LRRK1: variants seen among roughly 807,000 people sequenced by gnomAD.
The protein encoded by LRRK1 is leucine rich repeat kinase 1, also known as leucine-rich repeat serine/threonine-protein kinase 1.
Under a neutral mutation model 209.1 loss-of-function variants are expected in LRRK1, and 113 were observed. The ratio of observed to expected loss-of-function variants is 0.54; its 90% CI spans 0.46 to 0.63. The LOEUF (loss-of-function observed/expected upper bound fraction) is 0.63, where lower values mean the gene tolerates loss of function less well. LRRK1 is among the 30% of genes least tolerant of loss of function. The pLI is 0.00. For synonymous variants in LRRK1, 1,144 were observed against 1,099.7 expected, an observed-to-expected ratio of 1.04 and a Z score of -0.80; for missense variants, 2,284 against 2,632.2, an observed-to-expected ratio of 0.87 and a Z score of 2.89.
intron 6 of LRRK1, among the ~76,000 whole-genome samples, chr15:100,994,841 G>GA (rs1330109792): frequency 6.6e-6 from 1 of 152,200 alleles, no homozygotes; most frequent in Non-Finnish European, 1.5e-5. Context: ...TGGCAGAAGA[G>GA]AACAGAGAGG....
chr15:101,048,456 C>G, intron 21 of LRRK1, 38 bp from the exon 22 acceptor site: 2 of 1,585,060 alleles, frequency 1.3e-6, no homozygotes, highest in East Asian at 4.6e-5. Flanking sequence ...AGCGAGGAGC[C>G]CAGAATACTT....
At chr15:101,048,693 AGGT>A in intron 22 of LRRK1, 36 bp downstream of exon 22, 1 of 1,476,260 alleles carries the variant, frequency 6.8e-7, no homozygotes, top group Non-Finnish European at 8.9e-7. Context: ...CCAGGTCAGC[AGGT>A]GCCACAGCAG....
chr15:101,057,180 A>C, intron 28 of LRRK1, 130 bp downstream of exon 28: 1 of 725,576 alleles, frequency 1.4e-6, no homozygotes, highest in Non-Finnish European at 2.2e-6. Flanking sequence ...TTTCTTCTAG[A>C]GGGTGATGTT....
At chr15:101,001,359 T>C (rs1304902120) in intron 6 of LRRK1, among the ~76,000 whole-genome samples, 1 of 152,212 alleles carries the variant, frequency 6.6e-6, no homozygotes, top group Non-Finnish European at 1.5e-5. Flanking sequence ...GTCATGCAGA[T>C]AACCTGGGAT....
At chr15:100,927,128 T>C (rs2042130330) in intron 2 of LRRK1, among the ~76,000 whole-genome samples, 3 of 152,180 alleles carry the variant, frequency 2.0e-5, no homozygotes, top group Non-Finnish European at 4.4e-5. Flanking sequence ...CCTGATGAAA[T>C]GCAGAATCTC....
At chr15:100,944,084 G>T (rs1251307763) in intron 2 of LRRK1, among the ~76,000 whole-genome samples, 2 of 152,178 alleles carry the variant, frequency 1.3e-5, no homozygotes, top group Non-Finnish European at 2.9e-5. Context: ...GTTTGGGTGG[G>T]CATGGGGCCT....
intron 31 of LRRK1, among the ~76,000 whole-genome samples, chr15:101,063,955 G>A (rs2036361829): frequency 6.6e-6 from 1 of 152,182 alleles, no homozygotes; most frequent in Non-Finnish European, 1.5e-5. Flanking sequence ...CCGCTGGCGA[G>A]AGCCCCCAGC....
intron 6 of LRRK1, among the ~76,000 whole-genome samples, chr15:101,000,648 GGC>G (rs540567825): frequency 2.4e-4 from 37 of 152,220 alleles, no homozygotes; most frequent in African/African-American, 8.7e-4. Context: ...CTCGGCTTGT[GGC>G]CACATCTCCC....
At chr15:101,028,191 AG>A (rs2034129705) in intron 19 of LRRK1, among the ~76,000 whole-genome samples, 1 of 152,230 alleles carries the variant, frequency 6.6e-6, no homozygotes, top group African/African-American at 2.4e-5. Flanking sequence ...GGAGAGACGC[AG>A]CGTTGGGCTC....
At chr15:100,979,066 G>A (rs1424880183) in intron 3 of LRRK1, among the ~76,000 whole-genome samples, 1 of 152,156 alleles carries the variant, frequency 6.6e-6, no homozygotes, top group African/African-American at 2.4e-5. Flanking sequence ...ATTTATTCCA[G>A]AGATGCAAAG....
chr15:101,010,009 G>A lies in LRRK1; in HGVS notation c.990-441G>A, dbSNP rs76710514. ...AGAATGTTGGAAAGAGCTTGGGGTA[G>A]GCATTAATCCATGGGACTCCCAAGT... On this transcript the variant is annotated intron_variant, in intron 7 of 33. Coordinates refer to ENST00000388948, the MANE Select transcript of LRRK1 (RefSeq NM_024652.6). Among the ~76,000 whole-genome samples the A allele has an allele frequency of 2.3e-3, 356 of 152,338 alleles. 9 individuals carry two copies. In the East Asian group the frequency reaches 0.043, roughly 19 times the overall value.
chr15:101,031,149 G>A lies in LRRK1; in HGVS notation c.2963+1917G>A, dbSNP rs534408025. 2.1e-4 allele frequency among the ~76,000 whole-genome samples: 32 copies of A among 152,272 alleles called. No individual in the cohort carries two copies. In the South Asian group the frequency reaches 3.5e-3, roughly 17 times the overall value. On this transcript the variant is annotated intron_variant, in intron 20 of 33. Coordinates refer to ENST00000388948, the MANE Select transcript of LRRK1 (RefSeq NM_024652.6). ...AAAGTTTACTTACAGTGAAATGCCC[G>A]GATCGCTAGTGTTCAAAACAATGAC...
rs2037040029 is a variant in LRRK1, at chr15:101,078,008, G to C, written c.*9160G>C. On this transcript the variant is annotated 3_prime_UTR_variant, in exon 34 of 34. Transcript: ENST00000388948. Reference sequence around the variant, plus strand: ...AAAGAAGTGTAAATGGCTGGTTCTTGCCTTAAGTGATGACATTACCTTGTG... The same window carrying C: ...AAAGAAGTGTAAATGGCTGGTTCTTCCCTTAAGTGATGACATTACCTTGTG... The C allele has an allele frequency of 6.4e-6, 1 of 155,426 alleles. No individual in the cohort carries two copies. Among genetic ancestry groups the C allele is most frequent in the Admixed American group, 6.5e-5 (1 of 15,354 alleles). 9.6% of individuals were successfully genotyped at this position (155,426 alleles called of 1,614,324 possible).
At chr15:101,056,184 T>C (rs554375927) in intron 27 of LRRK1, among the ~76,000 whole-genome samples, 1 of 152,370 alleles carries the variant, frequency 6.6e-6, no homozygotes, top group South Asian at 2.1e-4. Flanking sequence ...TGTATAAATT[T>C]TTCCTTGCTG....
chr15:101,059,440 G>C (rs569415121), intron 29 of LRRK1, among the ~76,000 whole-genome samples: 1 of 147,992 alleles, frequency 6.8e-6, no homozygotes, highest in East Asian at 1.9e-4. Flanking sequence ...GATGGAGCAC[G>C]CCTTCCTGAT....
chr15:101,029,804 G>A (rs1449675507), intron 20 of LRRK1, among the ~76,000 whole-genome samples: 1 of 152,126 alleles, frequency 6.6e-6, no homozygotes, highest in African/African-American at 2.4e-5. Context: ...GGAGGCAGAG[G>A]TTGCAGTGAA....
At chr15:101,018,763 G>A (rs1177686172) in intron 12 of LRRK1, among the ~76,000 whole-genome samples, 6 of 152,220 alleles carry the variant, frequency 3.9e-5, no homozygotes, top group Admixed American at 3.9e-4. Context: ...CTTGGCCTTG[G>A]CAGATGACAA....
Position 101,059,990 on chromosome 15 carries a change from G to A in LRRK1, c.4680-1181G>A, listed in dbSNP as rs113667379. ...CCTGCTGGCCTAGAGACACACACGC[G>A]GCAGGTACCTGAGACAGTTCCGCTC... On this transcript the variant is annotated intron_variant, in intron 29 of 33. Transcript: ENST00000388948. Among the ~76,000 whole-genome samples the A allele has an allele frequency of 7.8e-3, 1,188 of 152,308 alleles. 13 individuals carry two copies. Among genetic ancestry groups the A allele is most frequent in the African/African-American group, 0.027 (1,102 of 41,546 alleles).
intron 30 of LRRK1, chr15:101,062,296 A>T (rs2036234007): frequency 2.9e-6 from 1 of 349,212 alleles, no homozygotes; most frequent in African/African-American, 2.1e-5. Context: ...TACCACAGAG[A>T]ACTTCTGAGA....
Sources: gnomAD v4.1 joint callset for allele counts (sites outside exome capture counted in the v4.1 genomes callset) on GRCh38, gnomAD v4.1.1 for gene constraint, MANE v1.5 for transcripts, NCBI Gene and HGNC (gene_info 2026-07-23, HGNC 2026-07-21) for gene names.